DAG1: variants seen among roughly 807,000 people sequenced by gnomAD.
DAG1 encodes the protein dystroglycan 1 (dystrophin-associated glycoprotein 1).
A neutral mutation model predicts 46.1 loss-of-function variants in DAG1; 8 were observed. That is an observed-to-expected ratio of 0.17 (90% CI 0.10 to 0.31). The LOEUF (loss-of-function observed/expected upper bound fraction) is 0.31. Ranked by LOEUF, DAG1 falls within the 10% of genes least tolerant of loss-of-function variation. The pLI is 1.00. For synonymous variants in DAG1, 495 were observed against 481.8 expected (o/e 1.03, Z -0.36); for missense variants, 1,003 against 1,189.9 (o/e 0.84, Z 2.31).
chr3:49,473,304 A>C (rs1284198654), intron 1 of DAG1, among the ~76,000 whole-genome samples: 1 of 147,658 alleles, frequency 6.8e-6, no homozygotes, highest in African/African-American at 2.5e-5. Flanking sequence ...AGTCCCAGCT[A>C]CTCATTCTCC....
intron 1 of DAG1, among the ~76,000 whole-genome samples, chr3:49,490,920 C>T (rs1575357943): frequency 2.3e-5 from 3 of 129,136 alleles, no homozygotes; most frequent in African/African-American, 6.0e-5. Flanking sequence ...GAGTCTCACT[C>T]TGTTGTCTTG....
At chr3:49,482,308 C>T (rs1479856499) in intron 1 of DAG1, among the ~76,000 whole-genome samples, 1 of 152,084 alleles carries the variant, frequency 6.6e-6, no homozygotes, top group African/African-American at 2.4e-5. Flanking sequence ...CCTGACCTTC[C>T]CCCAGCCCGA....
chr3:49,524,058 G>A (rs1049259844), intron 2 of DAG1, among the ~76,000 whole-genome samples: 4 of 152,220 alleles, frequency 2.6e-5, no homozygotes, highest in Non-Finnish European at 4.4e-5. Context: ...GTGATCCAGA[G>A]CCTATAAGTT....
chr3:49,497,680 A>ATTTT (rs2050351269), intron 1 of DAG1, among the ~76,000 whole-genome samples: 1 of 152,184 alleles, frequency 6.6e-6, no homozygotes, highest in African/African-American at 2.4e-5. Context: ...ATAAAACTTA[A>ATTTT]CCATCTTCAA....
chr3:49,504,567 CTTTTTTTTTTTTTTTTTT>C (rs55662849), intron 1 of DAG1, among the ~76,000 whole-genome samples: 42 of 49,752 alleles, frequency 8.4e-4, no homozygotes, highest in African/African-American at 2.4e-3. Flanking sequence ...CCAATACAGT[CTTTTTTTTTTTTTTTTTT>C]TTTTTTTTTT....
At chr3:49,480,793 G>A (rs1157735109) in intron 1 of DAG1, among the ~76,000 whole-genome samples, 2 of 105,160 alleles carry the variant, frequency 1.9e-5, no homozygotes, top group African/African-American at 3.3e-5. Context: ...ACGGAGTCTC[G>A]CTCTGTCACC....
intron 1 of DAG1, among the ~76,000 whole-genome samples, chr3:49,499,847 A>G (rs1412631228): frequency 6.6e-6 from 1 of 152,112 alleles, no homozygotes; most frequent in African/African-American, 2.4e-5. Context: ...TTGATTTCCT[A>G]GTTATATCCC....
intron 1 of DAG1, among the ~76,000 whole-genome samples, chr3:49,494,586 A>G (rs1024054093): frequency 1.3e-5 from 2 of 152,152 alleles, no homozygotes; most frequent in Non-Finnish European, 2.9e-5. Context: ...TTGAACTTCA[A>G]AGTGTGAAAT....
chr3:49,532,634 C>T lies in DAG1; in HGVS notation c.2123C>T (p.Thr708Met), dbSNP rs758254304. 43 of 1,613,788 alleles carry T rather than the reference C, an allele frequency of 2.7e-5. No individual in the cohort carries two copies. Among genetic ancestry groups the T allele is most frequent in the Non-Finnish European group, 2.7e-5 (32 of 1,179,806 alleles). Residue 708 changes from threonine to methionine, a missense_variant, in exon 3 of 3, where the codon ACG becomes ATG. This residue lies in a region of DAG1 where 755 missense variants were observed against 854.1 expected (regional missense o/e 0.88). Transcript: ENST00000308775. This position sits in a 1 kb window ranked among gnomAD's most constrained non-coding sequence, Gnocchi z 5.4. ...TTTAAGGCCACAAGCATCACTGTGACGGGCTCTGGCAGTTGTCGGCACCTA... is the reference window on the plus strand; with the variant it reads ...TTTAAGGCCACAAGCATCACTGTGATGGGCTCTGGCAGTTGTCGGCACCTA... ...PDFKATSITV[T>M]GSGSCRHLQF...
chr3:49,478,273 CAA>C (rs71278644), intron 1 of DAG1, among the ~76,000 whole-genome samples: 8 of 89,960 alleles, frequency 8.9e-5, no homozygotes, highest in Non-Finnish European at 1.1e-4. Context: ...GACTCTGTCT[CAA>C]AAAAAAAAAA....
intron 1 of DAG1, among the ~76,000 whole-genome samples, chr3:49,490,754 G>A (rs953661526): frequency 6.6e-6 from 1 of 151,590 alleles, no homozygotes; most frequent in Non-Finnish European, 1.5e-5. Flanking sequence ...TTTTTTTGTA[G>A]AGATGGGGTT....
rs2051345081 is a variant in DAG1 at position 49,531,506 on chromosome 3, A to C, written c.995A>C (p.Gln332Pro). 6.2e-7 allele frequency: 1 copy of C among 1,612,446 alleles called. No homozygotes were observed. The highest frequency in any genetic ancestry group is 8.5e-7 in the Non-Finnish European group (1 of 1,178,972). The part of the protein sequence containing the change: ...TAIGPPTTAI[Q>P]EPPSRIVPTP... ...ATTGGGCCCCCAACCACGGCTATCCAGGAGCCCCCATCCAGGATCGTGCCA... is the reference window on the plus strand; with the variant it reads ...ATTGGGCCCCCAACCACGGCTATCCCGGAGCCCCCATCCAGGATCGTGCCA... The change falls in exon 3 of 3, where the codon CAG becomes CCG. Residue 332 changes from glutamine to proline, a missense_variant. Transcript: ENST00000308775. The surrounding 1 kb of genome is among the most constrained non-coding windows in gnomAD (Gnocchi z 7.0).
intron 1 of DAG1, among the ~76,000 whole-genome samples, chr3:49,485,792 C>G (rs888202762): frequency 1.3e-5 from 2 of 151,272 alleles, no homozygotes; most frequent in Non-Finnish European, 2.9e-5. Flanking sequence ...TTCTGCAAAG[C>G]TGGAACTACA....
rs763271754 is a variant in DAG1 at position 49,531,436 on chromosome 3, C to T, written c.925C>T (p.Arg309Cys). 24 of 1,614,004 alleles carry T rather than the reference C, an allele frequency of 1.5e-5. No homozygotes were observed. Among genetic ancestry groups the T allele is most frequent in the Non-Finnish European group, 1.9e-5 (22 of 1,180,010 alleles). Residue 309 changes from arginine (R) to cysteine (C), a missense_variant, in exon 3 of 3, where the codon CGC becomes TGC. By Grantham distance (180) the Arg-to-Cys change is radical. Transcript: ENST00000308775. The surrounding 1 kb of genome is among the most constrained non-coding windows in gnomAD (Gnocchi z 7.0). The part of the protein sequence containing the change: ...IANKKPPLPK[R>C]VRRQIHATPT... ...CAATAAGAAGCCCCCTCTTCCCAAA[C>T]GCGTCCGGAGGCAGATCCATGCTAC...
At chr3:49,472,092 A>C (rs543310270) in intron 1 of DAG1, among the ~76,000 whole-genome samples, 4 of 152,244 alleles carry the variant, frequency 2.6e-5, no homozygotes, top group African/African-American at 7.2e-5. Context: ...CCAACTTTGT[A>C]TGCGGGGTGC....
At chr3:49,474,594 C>T (rs2049623383) in intron 1 of DAG1, among the ~76,000 whole-genome samples, 1 of 152,120 alleles carries the variant, frequency 6.6e-6, no homozygotes, top group Non-Finnish European at 1.5e-5. Context: ...GATCCACTCT[C>T]CTTGGCCTCC....
chr3:49,481,253 C>T (rs913787407), intron 1 of DAG1, among the ~76,000 whole-genome samples: 12 of 150,096 alleles, frequency 8.0e-5, no homozygotes, highest in African/African-American at 1.5e-4. Context: ...AAAAATTAGC[C>T]GGGCGTAGTG....
intron 1 of DAG1, among the ~76,000 whole-genome samples, chr3:49,483,589 G>A (rs1007291413): frequency 1.7e-4 from 26 of 152,180 alleles, no homozygotes; most frequent in Non-Finnish European, 2.6e-4. Flanking sequence ...AGTCTGATGA[G>A]TAGCCCTTGA....
chr3:49,471,823 C>T (rs2049526272), intron 1 of DAG1, among the ~76,000 whole-genome samples: 1 of 152,180 alleles, frequency 6.6e-6, no homozygotes, highest in African/African-American at 2.4e-5. Flanking sequence ...TCTGCTTCTG[C>T]CCTTAAGGAA....
Sources: allele counts gnomAD v4.1 joint callset (sites outside exome capture counted in the v4.1 genomes callset), GRCh38; gene constraint gnomAD v4.1.1; regional missense constraint gnomAD v4.1.1; non-coding constraint Gnocchi (gnomAD v3.1); transcripts MANE v1.5; gene names NCBI Gene and HGNC (gene_info 2026-07-23, HGNC 2026-07-21).